The following ZNF622 variants were observed in gnomAD, a reference collection of about 807,000 sequenced individuals.
ZNF622 encodes zinc finger protein 622.
In ZNF622, 34 loss-of-function variants were observed where a neutral mutation model predicts 49.7. The observed-to-expected ratio is 0.68, with a 90% CI of 0.52 to 0.91. The LOEUF (loss-of-function observed/expected upper bound fraction) is 0.91, where lower values mean the gene tolerates loss of function less well. Among genes scored for constraint, ZNF622 ranks in the 40% least tolerant of loss-of-function variants. The pLI, the probability that ZNF622 is intolerant of heterozygous loss-of-function variation, is 0.00. For synonymous variants in ZNF622, 209 were observed against 228.7 expected, an observed-to-expected ratio of 0.91 and a Z score of 0.78; for missense variants, 569 against 616.4, an observed-to-expected ratio of 0.92 and a Z score of 0.81.
At chr5:16,452,033 G>T (rs761329183) in intron 5 of ZNF622, among the ~76,000 whole-genome samples, 5 of 152,078 alleles carry the variant, frequency 3.3e-5, no homozygotes, top group Non-Finnish European at 7.3e-5. Flanking sequence ...TCATCATCTG[G>T]AAGAGTTTAT....
chr5:16,453,836 A>C (rs1272655077), intron 4 of ZNF622, among the ~76,000 whole-genome samples: 1 of 151,988 alleles, frequency 6.6e-6, no homozygotes, highest in Admixed American at 6.6e-5. Flanking sequence ...ATGCTATTAA[A>C]CATCTTTACA....
Position 16,453,116 on chromosome 5 carries a change from T to G in ZNF622, c.1203A>C (p.Lys401Asn). The change falls in exon 5 of 6, where the codon AAA (lysine) becomes AAC (asparagine). Residue 401 changes from lysine (K) to asparagine (N), a missense_variant. Transcript: ENST00000308683. ...CAGCTCTTGACAAGCCAAATCGCTG[T>G]TTGTAGTATCTCATCAAGGAGCGAT... is the stretch of plus-strand genomic sequence containing the variant. Reference protein sequence around the residue: ...VGHRSLMRYYKQRFGLSRAVA... With the variant: ...VGHRSLMRYYNQRFGLSRAVA... 3.2e-6 allele frequency: 5 copies of G among 1,576,156 alleles called. No homozygotes were observed. The highest frequency in any genetic ancestry group is 4.3e-6 in the Non-Finnish European group (5 of 1,157,678).
intron 1 of ZNF622, 50 bp downstream of exon 1, chr5:16,464,991 A>C (rs758958075): frequency 6.6e-7 from 1 of 1,523,972 alleles, no homozygotes; most frequent in African/African-American, 1.4e-5. Context: ...TGGAAACTTA[A>C]GGGTGGGCCA....
chr5:16,465,722 C>T lies in ZNF622; in HGVS notation c.-57G>A, dbSNP rs1738211795. ...AAACACCTGGTGATCAGCGCCGTGG[C>T]CCCACAAGACCCTCAGACCTTAACC... On this transcript the variant is annotated 5_prime_UTR_variant, in exon 1 of 6. Coordinates refer to ENST00000308683, the MANE Select transcript of ZNF622 (RefSeq NM_033414.3). This position sits in a 1 kb window ranked among gnomAD's most constrained non-coding sequence, Gnocchi z 6.2. 6.6e-7 allele frequency: 1 copy of T among 1,515,758 alleles called. No individual in the cohort carries two copies. The highest frequency in any genetic ancestry group is 1.3e-5 in the South Asian group (1 of 75,238). 93.9% of individuals were successfully genotyped at this position (1,515,758 alleles called of 1,614,324 possible).
At chr5:16,453,594 T>TATATATATATAG (rs1341155021) in intron 4 of ZNF622, among the ~76,000 whole-genome samples, 1 of 103,838 alleles carries the variant, frequency 9.6e-6, no homozygotes, top group Non-Finnish European at 2.0e-5. Flanking sequence ...TATATATATA[T>TATATATATATAG]ATATATATGA....
intron 4 of ZNF622, among the ~76,000 whole-genome samples, chr5:16,454,327 A>G (rs1320974047): frequency 6.6e-6 from 1 of 151,938 alleles, no homozygotes; most frequent in Non-Finnish European, 1.5e-5. Context: ...CTCTACTAAA[A>G]GCACAAAAAA....
rs758042236 is a variant in ZNF622, at chr5:16,463,501, C to CT, written c.866dup (p.Leu291ThrfsTer3). On this transcript the variant is annotated frameshift_variant, in exon 2 of 6. Transcript: ENST00000308683. LOFTEE classifies it high-confidence loss of function. This position sits in a 1 kb window ranked among gnomAD's most constrained non-coding sequence, Gnocchi z 4.2. ...ACTTACCCAAGTATTTAATCAGTCC[C>CT]TTAATATCTGAAAGATATTCTATAT... The CT allele has an allele frequency of 4.3e-6, 7 of 1,612,604 alleles. No individual in the cohort carries two copies. The East Asian group carries it at 1.6e-4, about 36-fold the overall frequency.
chr5:16,459,514 T>C (rs1348245603), intron 3 of ZNF622, among the ~76,000 whole-genome samples: 1 of 152,214 alleles, frequency 6.6e-6, no homozygotes, highest in Admixed American at 6.5e-5. Flanking sequence ...AAATGGAACA[T>C]ATGTATATCC....
In ZNF622 at chr5:16,465,129, C is replaced by T; in HGVS notation, c.537G>A (p.Arg179=). Residue 179 remains arginine (R), a synonymous_variant, in exon 1 of 6, where the codon CGG becomes CGA. Transcript: ENST00000308683. This position sits in a 1 kb window ranked among gnomAD's most constrained non-coding sequence, Gnocchi z 6.2. ...HDRDPSEKPP[R]LQWFEQQAKK... The stretch of plus-strand genomic sequence containing the variant: ...TCGCCTGCTGTTCAAACCACTGGAG[C>T]CGGGGTGGTTTCTCACTCGGGTCTC... 1 of 1,614,194 alleles carries T rather than the reference C, an allele frequency of 6.2e-7. No individual in the cohort carries two copies. The highest frequency in any genetic ancestry group is 8.5e-7 in the Non-Finnish European group (1 of 1,180,014).
chr5:16,465,775 G>A lies in ZNF622; in HGVS notation c.-110C>T. On this transcript the variant is annotated 5_prime_UTR_variant, in exon 1 of 6. Transcript: ENST00000308683. The surrounding 1 kb of genome is among the most constrained non-coding windows in gnomAD (Gnocchi z 6.2). ...CCTCAGCAGCCAGGAAGAGCCACTC[G>A]ACACGCCGACTTCCTGATTGTCACT... 4 of 1,382,942 alleles carry A rather than the reference G, an allele frequency of 2.9e-6. No individual in the cohort carries two copies. Among genetic ancestry groups the A allele is most frequent in the Non-Finnish European group, 3.9e-6 (4 of 1,023,774 alleles). 85.7% of individuals were successfully genotyped at this position (1,382,942 alleles called of 1,614,324 possible). A position where few individuals can be genotyped will look rare whatever the true frequency, so the allele number is the denominator to read the frequency against.
intron 3 of ZNF622, among the ~76,000 whole-genome samples, chr5:16,459,522 T>C (rs1738089501): frequency 6.6e-6 from 1 of 152,214 alleles, no homozygotes; most frequent in Non-Finnish European, 1.5e-5. Flanking sequence ...CATATGTATA[T>C]CCTCTGGCCC....
At chr5:16,464,582 G>A (rs1366157962) in intron 1 of ZNF622, among the ~76,000 whole-genome samples, 1 of 152,198 alleles carries the variant, frequency 6.6e-6, no homozygotes, top group African/African-American at 2.4e-5. Context: ...AGGCAAAGAG[G>A]TGAGGGTGCT....
Position 16,451,586 on chromosome 5 carries a change from C to A in ZNF622, c.*71G>T. ...GCAGCAAAAGGGTCTCTCCTATGAT[C>A]TGTCTTTCACTGGTCCTCAGGGCAA... On this transcript the variant is annotated 3_prime_UTR_variant, in exon 6 of 6. Transcript: ENST00000308683. 1 of 1,564,692 alleles carries A rather than the reference C, an allele frequency of 6.4e-7. No individual in the cohort carries two copies. The highest frequency in any genetic ancestry group is 8.6e-7 in the Non-Finnish European group (1 of 1,158,230).
chr5:16,454,215 C>T (rs1468554645), intron 4 of ZNF622, among the ~76,000 whole-genome samples: 3 of 152,046 alleles, frequency 2.0e-5, no homozygotes, highest in African/African-American at 7.2e-5. Flanking sequence ...GGGCCGGGTG[C>T]GGTGGCTCAC....
chr5:16,453,622 G>C (rs1579561395), intron 4 of ZNF622, among the ~76,000 whole-genome samples: 1 of 139,478 alleles, frequency 7.2e-6, no homozygotes, highest in East Asian at 2.1e-4. Context: ...TAAGCACAGA[G>C]AGCAGTTCTG....
rs1035643386 is a variant in ZNF622, at chr5:16,465,371, C to A, written c.295G>T (p.Val99Leu). 3 of 1,614,284 alleles carry A rather than the reference C, an allele frequency of 1.9e-6. No homozygotes were observed. The highest frequency in any genetic ancestry group is 1.3e-5 in the African/African-American group (1 of 75,084). ...RRHVELEKKAVQAVNRKVEMM... is the reference protein window; with the variant it reads ...RRHVELEKKALQAVNRKVEMM... ...TCCACTTTCCGATTCACTGCCTGCA[C>A]GGCCTTCTTCTCCAGCTCAACGTGA... is the stretch of plus-strand genomic sequence containing the variant. The change falls in exon 1 of 6, where the codon GTG becomes TTG. Residue 99 changes from valine to leucine, a missense_variant. By Grantham distance (32) the Val-to-Leu change is conservative (BLOSUM62 1). Transcript: ENST00000308683. The surrounding 1 kb of genome is among the most constrained non-coding windows in gnomAD (Gnocchi z 6.2).
In ZNF622 at chr5:16,458,605, T is replaced by G. The variant is rs776661221; in HGVS notation, c.1074A>C (p.Glu358Asp). 21 of 1,613,344 alleles carry G rather than the reference T, an allele frequency of 1.3e-5. No homozygotes were observed. The highest frequency in any genetic ancestry group is 1.7e-5 in the Non-Finnish European group (20 of 1,179,420). Residue 358 changes from glutamate (E) to aspartate (D), a missense_variant, in exon 4 of 6, where the codon GAA (glutamate) becomes GAC (aspartate). Coordinates refer to ENST00000308683, the MANE Select transcript of ZNF622 (RefSeq NM_033414.3). ...CCTCAGCCTTATTGGGGTCCTCCCC[T>G]TCCTTGTGATCTGGATAGCTACTCC... ...DFRSSYPDHK[E>D]GEDPNKAEEL...
At chr5:16,453,596 T>TAG (rs1737973007) in intron 4 of ZNF622, among the ~76,000 whole-genome samples, 1 of 130,410 alleles carries the variant, frequency 7.7e-6, no homozygotes, top group Non-Finnish European at 1.6e-5. Flanking sequence ...TATATATATA[T>TAG]ATATATGAAG....
At position 16,463,515 on chromosome 5, in the gene ZNF622, G is replaced by C. The variant is rs772101666; in HGVS notation, c.853C>G (p.Leu285Val). ...TTAATCAGTCCCTTAATATCTGAAA[G>C]ATATTCTATATCAGGAATAAAGAAA... ...HSFFIPDIEY[L>V]SDIKGLIKYL... is the part of the protein sequence containing the mutation. Residue 285 changes from leucine (L) to valine (V), a missense_variant, in exon 2 of 6, where the codon CTT becomes GTT. Coordinates refer to ENST00000308683, the MANE Select transcript of ZNF622 (RefSeq NM_033414.3). This position sits in a 1 kb window ranked among gnomAD's most constrained non-coding sequence, Gnocchi z 4.2. The C allele has an allele frequency of 1.6e-5, 26 of 1,613,456 alleles. No homozygotes were observed. The Admixed American group carries it at 2.2e-4, about 13-fold the overall frequency.
Sources: allele counts gnomAD v4.1 joint callset (sites outside exome capture counted in the v4.1 genomes callset), GRCh38; gene constraint gnomAD v4.1.1; non-coding constraint Gnocchi (gnomAD v3.1); transcripts MANE v1.5; gene names NCBI Gene and HGNC (gene_info 2026-07-23, HGNC 2026-07-21).